The following CCDC178 variants were observed in gnomAD, a reference collection of about 807,000 sequenced individuals.
The protein encoded by CCDC178 is coiled-coil domain containing 178.
A neutral mutation model predicts 117.4 loss-of-function variants in CCDC178; 126 were observed. The ratio of observed to expected loss-of-function variants is 1.07; its 90% CI spans 0.93 to 1.24. The LOEUF (loss-of-function observed/expected upper bound fraction) is 1.24, where lower values mean the gene tolerates loss of function less well. Among genes scored for constraint, CCDC178 ranks in the 50% most tolerant of loss-of-function variants. The pLI, the probability that CCDC178 is intolerant of heterozygous loss-of-function variation, is 0.00. For synonymous variants in CCDC178, 283 were observed against 313.4 expected, an observed-to-expected ratio of 0.90 and a Z score of 1.02; for missense variants, 1,030 against 986.9, an observed-to-expected ratio of 1.04 and a Z score of -0.59.
At chr18:33,210,205 C>A (rs2144584759) in intron 20 of CCDC178, among the ~76,000 whole-genome samples, 1 of 151,998 alleles carries the variant, frequency 6.6e-6, no homozygotes, top group East Asian at 1.9e-4. Flanking sequence ...AAAGAAAATT[C>A]CCTCCCCTTA....
intron 20 of CCDC178, among the ~76,000 whole-genome samples, chr18:33,099,717 G>A (rs1036751477): frequency 1.3e-5 from 2 of 151,892 alleles, no homozygotes; most frequent in African/African-American, 2.4e-5. Flanking sequence ...ACTACAGAAA[G>A]CAAGAGTTCT....
intron 2 of CCDC178, among the ~76,000 whole-genome samples, chr18:33,418,728 C>G (rs1418009410): frequency 6.6e-6 from 1 of 152,132 alleles, no homozygotes; most frequent in Non-Finnish European, 1.5e-5. Flanking sequence ...GTCAAGAACA[C>G]AAGCCTATTC....
chr18:33,123,420 T>C (rs542168582), intron 20 of CCDC178, among the ~76,000 whole-genome samples: 24 of 152,274 alleles, frequency 1.6e-4, no homozygotes, highest in Middle Eastern at 3.4e-3. Flanking sequence ...AATTCAAATA[T>C]GTATGTCAAA....
intron 20 of CCDC178, among the ~76,000 whole-genome samples, chr18:33,209,143 C>A (rs1450356923): frequency 6.6e-6 from 1 of 151,964 alleles, no homozygotes; most frequent in Non-Finnish European, 1.5e-5. Context: ...ATATGGTACA[C>A]TGAAAATTTG....
chr18:33,429,641 T>G (rs2064178508), intron 2 of CCDC178, among the ~76,000 whole-genome samples: 2 of 152,166 alleles, frequency 1.3e-5, no homozygotes, highest in South Asian at 4.1e-4. Flanking sequence ...AAGGAAAGCA[T>G]GAAATAAAAA....
At chr18:33,127,499 A>G (rs2058022303) in intron 20 of CCDC178, among the ~76,000 whole-genome samples, 1 of 152,048 alleles carries the variant, frequency 6.6e-6, no homozygotes, top group Non-Finnish European at 1.5e-5. Flanking sequence ...GCAGCAGTGC[A>G]ATCTTGGCTC....
intron 14 of CCDC178, among the ~76,000 whole-genome samples, chr18:33,250,082 T>C (rs986312929): frequency 6.6e-6 from 1 of 151,580 alleles, no homozygotes; most frequent in African/African-American, 2.4e-5. Flanking sequence ...AAAATAACTA[T>C]TAAAGAATCA....
At chr18:33,407,282 C>T (rs1277719104) in intron 3 of CCDC178, among the ~76,000 whole-genome samples, 1 of 152,036 alleles carries the variant, frequency 6.6e-6, no homozygotes, top group African/African-American at 2.4e-5. Context: ...TTTTTATTAT[C>T]TCTATGTTAT....
At chr18:33,312,048 T>A (rs1056006840) in intron 11 of CCDC178, among the ~76,000 whole-genome samples, 2 of 152,172 alleles carry the variant, frequency 1.3e-5, no homozygotes, top group Admixed American at 6.5e-5. Flanking sequence ...CCATGCAATA[T>A]CCCTATCATC....
chr18:33,366,838 T>A (rs1239304223), intron 6 of CCDC178, among the ~76,000 whole-genome samples: 1 of 152,032 alleles, frequency 6.6e-6, no homozygotes, highest in Non-Finnish European at 1.5e-5. Context: ...CAGACGGGCC[T>A]GGGACTGTAG....
chr18:33,059,787 C>G (rs1280571540), intron 21 of CCDC178, among the ~76,000 whole-genome samples: 1 of 152,152 alleles, frequency 6.6e-6, no homozygotes, highest in East Asian at 1.9e-4. Flanking sequence ...TATATTTCTT[C>G]AAGGGTAATT....
intron 3 of CCDC178, among the ~76,000 whole-genome samples, chr18:33,407,895 G>A (rs2063802468): frequency 6.6e-6 from 1 of 151,526 alleles, no homozygotes; most frequent in Non-Finnish European, 1.5e-5. Flanking sequence ...AAATAAAGAA[G>A]CACTCTATAA....
intron 20 of CCDC178, among the ~76,000 whole-genome samples, chr18:33,203,466 C>A (rs1398085897): frequency 1.3e-5 from 2 of 152,140 alleles, no homozygotes; most frequent in Non-Finnish European, 2.9e-5. Context: ...AACTCGTTCA[C>A]AAGCCAAGAT....
At chr18:33,297,458 C>A (rs2062120081) in intron 11 of CCDC178, among the ~76,000 whole-genome samples, 1 of 151,740 alleles carries the variant, frequency 6.6e-6, no homozygotes, top group African/African-American at 2.4e-5. Context: ...AAAGGGAAGA[C>A]CCAAAAACAA....
chr18:33,041,497 C>T (rs997344335), intron 21 of CCDC178, among the ~76,000 whole-genome samples: 15 of 150,736 alleles, frequency 1.0e-4, no homozygotes, highest in Non-Finnish European at 2.2e-4. Context: ...CAAGTGATGT[C>T]TATTTTAGGA....
chr18:33,265,812 A>G lies in CCDC178; in HGVS notation c.1409+1104T>C, dbSNP rs139263932. Among the ~76,000 whole-genome samples, 6 of 152,162 alleles carry G rather than the reference A, an allele frequency of 3.9e-5. No individual in the cohort carries two copies. The East Asian group carries it at 1.2e-3, about 29-fold the overall frequency. ...TCAAAATGTAGATAATGTATTAGAG[A>G]GTGATTGCAGGTAGACCAGTTCTGC... On this transcript the variant is annotated intron_variant, in intron 14 of 22. Transcript: ENST00000383096.
At chr18:33,408,187 A>G (rs1026970026) in intron 3 of CCDC178, among the ~76,000 whole-genome samples, 4 of 152,010 alleles carry the variant, frequency 2.6e-5, no homozygotes, top group Non-Finnish European at 5.9e-5. Flanking sequence ...AAGTATTAAT[A>G]AAATTCACAA....
chr18:33,282,965 C>G (rs1427918035), intron 12 of CCDC178, among the ~76,000 whole-genome samples: 1 of 152,182 alleles, frequency 6.6e-6, no homozygotes, highest in Non-Finnish European at 1.5e-5. Flanking sequence ...CAAGCCAACA[C>G]CACCTCCAAG....
chr18:33,223,220 C>A lies in CCDC178; in HGVS notation c.1819-1G>T. On this transcript the variant is annotated splice_acceptor_variant, in intron 17 of 22. Coordinates refer to ENST00000383096, the MANE Select transcript of CCDC178 (RefSeq NM_001105528.4). LOFTEE classifies it high-confidence loss of function. ...TCTGATCAATTATATTATTAAGCAT[C>A]TAGAAGACATTCAGATATTAAGATG... The A allele has an allele frequency of 1.3e-6, 2 of 1,591,770 alleles. No homozygotes were observed. Among genetic ancestry groups the A allele is most frequent in the Admixed American group, 1.7e-5 (1 of 57,364 alleles).
Sources: gnomAD v4.1 joint callset for allele counts (sites outside exome capture counted in the v4.1 genomes callset) on GRCh38, gnomAD v4.1.1 for gene constraint, MANE v1.5 for transcripts, NCBI Gene and HGNC (gene_info 2026-07-23, HGNC 2026-07-21) for gene names.